Variants in CCDC40 observed in about 807,000 individuals in gnomAD.
CCDC40 encodes the protein coiled-coil domain 40 molecular ruler complex subunit.
In CCDC40, 104 loss-of-function variants were observed where a neutral mutation model predicts 124.5. The ratio of observed to expected loss-of-function variants is 0.84; its 90% CI spans 0.71 to 0.98. The LOEUF is 0.98. Among genes scored for constraint, CCDC40 ranks in the 50% least tolerant of loss-of-function variants. The pLI, the probability that CCDC40 is intolerant of heterozygous loss-of-function variation, is 0.00. For synonymous variants in CCDC40, 580 were observed against 602.9 expected (o/e 0.96, Z 0.56); for missense variants, 1,463 against 1,503.9 (o/e 0.97, Z 0.45).
rs1298181534 is a variant in CCDC40 at position 80,058,109 on chromosome 17, G to A, written c.1160-385G>A. Among the ~76,000 whole-genome samples the A allele has an allele frequency of 6.6e-6, 1 of 152,122 alleles. No homozygotes were observed. Among genetic ancestry groups the A allele is most frequent in the African/African-American group, 2.4e-5 (1 of 41,436 alleles). Reference sequence around the variant, plus strand: ...TGGATGTTCTCGTCTCCTCCCAGGGGACTTAAGACTCCACCTAAGGTTGCC... The same window carrying A: ...TGGATGTTCTCGTCTCCTCCCAGGGAACTTAAGACTCCACCTAAGGTTGCC... On this transcript the variant is annotated intron_variant, in intron 7 of 19. Transcript: ENST00000397545. This position sits in a 1 kb window ranked among gnomAD's most constrained non-coding sequence, Gnocchi z 4.2.
At chr17:80,068,079 G>A in intron 10 of CCDC40, 1 of 759,680 alleles carries the variant, frequency 1.3e-6, no homozygotes, top group East Asian at 1.3e-4. Flanking sequence ...TGTCCCCCAG[G>A]CTGGAGTGCA....
At chr17:80,078,805 A>G (rs180740732) in intron 10 of CCDC40, among the ~76,000 whole-genome samples, 6 of 152,256 alleles carry the variant, frequency 3.9e-5, no homozygotes, top group Admixed American at 1.3e-4. Flanking sequence ...ATTTCTGGGG[A>G]AAAAATGCCT....
chr17:80,086,346 A>C lies in CCDC40; in HGVS notation c.2449+130A>C. 4 of 737,076 alleles carry C rather than the reference A, an allele frequency of 5.4e-6. No homozygotes were observed. The highest frequency in any genetic ancestry group is 9.5e-6 in the Non-Finnish European group (4 of 420,364). 45.7% of individuals were successfully genotyped at this position (737,076 alleles called of 1,614,324 possible). ...ACGCAGCCTTAAAAGCAAATAACAA[A>C]CGCGCATGCTCCCTGTATTTTGTAA... is the stretch of plus-strand genomic sequence containing the variant. On this transcript the variant is annotated intron_variant, in intron 14 of 19. Transcript: ENST00000397545. This position sits in a 1 kb window ranked among gnomAD's most constrained non-coding sequence, Gnocchi z 5.5.
chr17:80,056,898 G>A (rs1255605916), intron 7 of CCDC40, among the ~76,000 whole-genome samples: 3 of 151,344 alleles, frequency 2.0e-5, no homozygotes, highest in Non-Finnish European at 2.9e-5. Context: ...ACAATTACTC[G>A]GGCGTGGTGG....
chr17:80,082,490 C>G (rs2038477075), intron 12 of CCDC40, among the ~76,000 whole-genome samples: 1 of 152,036 alleles, frequency 6.6e-6, no homozygotes, highest in African/African-American at 2.4e-5. Context: ...GACCGCCTCC[C>G]CAACACCCCG....
intron 9 of CCDC40, among the ~76,000 whole-genome samples, chr17:80,063,252 C>T (rs1299313787): frequency 2.0e-5 from 3 of 152,068 alleles, no homozygotes; most frequent in Non-Finnish European, 2.9e-5. Context: ...TTCGCACACA[C>T]ACACAATCAC....
At position 80,099,863 on chromosome 17, in the gene CCDC40, C is replaced by T; in HGVS notation, c.*88C>T. On this transcript the variant is annotated 3_prime_UTR_variant, in exon 20 of 20. Coordinates refer to ENST00000397545, the MANE Select transcript of CCDC40 (RefSeq NM_017950.4). ...GAGGGACTTGGAATCTTTTGTGTTCCTAAAAACCACATGTACCCTCAGAAG... is the reference window on the plus strand; with the variant it reads ...GAGGGACTTGGAATCTTTTGTGTTCTTAAAAACCACATGTACCCTCAGAAG... 2 of 1,456,680 alleles carry T rather than the reference C, an allele frequency of 1.4e-6. No homozygotes were observed. Among genetic ancestry groups the T allele is most frequent in the Non-Finnish European group, 1.9e-6 (2 of 1,060,280 alleles). The allele number at this position is 1,456,680 out of a possible 1,614,324, so 90.2% of individuals were successfully genotyped here.
chr17:80,049,917 A>G lies in CCDC40; in HGVS notation c.867A>G (p.Val289=), dbSNP rs1386295352. The change falls in exon 6 of 20, where the codon GTA becomes GTG. Residue 289 remains valine (V), a synonymous_variant. Transcript: ENST00000397545. ...TTCCATTGTTCTAGCCCCTGATGGT[A>G]AGATTCCAGGCTGCCCTGAAGAACT... ...VVLDPDHPLM[V]RFQAALKNYL... The G allele has an allele frequency of 1.9e-6, 3 of 1,613,982 alleles. No individual in the cohort carries two copies. Among genetic ancestry groups the G allele is most frequent in the Non-Finnish European group, 1.7e-6 (2 of 1,179,926 alleles).
rs1299508184 is a variant in CCDC40, at chr17:80,099,620, T to C, written c.3274T>C (p.Ser1092Pro). 6.2e-7 allele frequency: 1 copy of C among 1,613,604 alleles called. No homozygotes were observed. Among genetic ancestry groups the C allele is most frequent in the African/African-American group, 1.3e-5 (1 of 74,914 alleles). The change falls in exon 20 of 20, where the codon TCC (serine) becomes CCC (proline). Residue 1092 changes from serine to proline, a missense_variant. Coordinates refer to ENST00000397545, the MANE Select transcript of CCDC40 (RefSeq NM_017950.4). ...CGTGTTCCTGTTCCGCTCCAAGCAG[T>C]CCCTAGTGCTGGAGCGCCAGCGCCT... ...RYVFLFRSKQ[S>P]LVLERQRLDK...
At chr17:80,070,528 G>A (rs890389660) in intron 10 of CCDC40, among the ~76,000 whole-genome samples, 9 of 152,212 alleles carry the variant, frequency 5.9e-5, no homozygotes, top group Admixed American at 2.0e-4. Context: ...TTGAGTCCAG[G>A]AATTTGAGGC....
Position 80,050,184 on chromosome 17 carries a change from A to G in CCDC40, c.1060A>G (p.Met354Val), listed in dbSNP as rs767636713. The part of the protein sequence containing the change: ...LLEKSHDRHA[M>V]ASSERRQKEE... ...GGAGAAGAGTCACGACCGCCACGCAATGGCCTCGAGCGAGCGCAGGCAGAA... is the reference window on the plus strand; with the variant it reads ...GGAGAAGAGTCACGACCGCCACGCAGTGGCCTCGAGCGAGCGCAGGCAGAA... The change falls in exon 7 of 20, where the codon ATG (methionine) becomes GTG (valine). Residue 354 changes from methionine to valine, a missense_variant. By Grantham distance (21) the Met-to-Val change is conservative. Transcript: ENST00000397545. 1.2e-6 allele frequency: 2 copies of G among 1,612,962 alleles called. No individual in the cohort carries two copies. The highest frequency in any genetic ancestry group is 1.7e-4 in the Middle Eastern group (1 of 5,728).
In CCDC40 at chr17:80,065,539, T is replaced by C. The variant is rs759586308; in HGVS notation, c.1495T>C (p.Trp499Arg). 2 of 1,612,186 alleles carry C rather than the reference T, an allele frequency of 1.2e-6. No individual in the cohort carries two copies. The change falls in exon 10 of 20, where the codon TGG becomes CGG. Residue 499 changes from tryptophan (W) to arginine (R), a missense_variant. Transcript: ENST00000397545. Reference sequence around the variant, plus strand: ...GGAGAAGAGGCGCATCATGCAGCAATGGGCCAGCAGCCTGGTGGGCATGAA... The same window carrying C: ...GGAGAAGAGGCGCATCATGCAGCAACGGGCCAGCAGCCTGGTGGGCATGAA... ...SVEKRRIMQQ[W>R]ASSLVGMKHR...
chr17:80,082,508 C>A (rs1218626891), intron 12 of CCDC40, among the ~76,000 whole-genome samples: 1 of 152,114 alleles, frequency 6.6e-6, no homozygotes, highest in East Asian at 1.9e-4. Flanking sequence ...CCGCCTCAAG[C>A]AGGCCCCTTT....
intron 1 of CCDC40, among the ~76,000 whole-genome samples, chr17:80,036,988 C>T (rs2037083585): frequency 6.6e-6 from 1 of 152,214 alleles, no homozygotes; most frequent in Admixed American, 6.5e-5. Flanking sequence ...ACCGCTCACT[C>T]TGCAGTCACC....
intron 17 of CCDC40, 62 bp from the exon 18 acceptor site, chr17:80,095,201 A>G: frequency 6.5e-7 from 1 of 1,530,866 alleles, no homozygotes; most frequent in South Asian, 1.1e-5. Context: ...CGCCCCGGCC[A>G]CTCTCTCTGC....
chr17:80,043,579 G>A (rs1049108757), intron 3 of CCDC40, among the ~76,000 whole-genome samples: 6 of 150,810 alleles, frequency 4.0e-5, no homozygotes, highest in African/African-American at 1.5e-4. Flanking sequence ...CCTCCATAAG[G>A]AGTCCCTCCT....
rs191632512 is a variant in CCDC40 at position 80,049,952 on chromosome 17, G to A, written c.902G>A (p.Arg301Gln). Residue 301 changes from arginine (R) to glutamine (Q), a missense_variant, in exon 6 of 20, where the codon CGA becomes CAA. By Grantham distance (43) the Arg-to-Gln change is conservative. Transcript: ENST00000397545. ...FQAALKNYLN[R>Q]QIEKLKLDLQ... ...GCTGCCCTGAAGAACTACCTGAACC[G>A]ACAGATCGAAAAGTTGAAGCTGGAC... 31 of 1,614,102 alleles carry A rather than the reference G, an allele frequency of 1.9e-5. No homozygotes were observed. In the East Asian group the frequency reaches 2.7e-4, roughly 14 times the overall value.
chr17:80,096,855 G>A (rs753990460), intron 18 of CCDC40, among the ~76,000 whole-genome samples: 19 of 152,104 alleles, frequency 1.2e-4, no homozygotes, highest in Admixed American at 6.5e-4. Flanking sequence ...CCCCAGCCTC[G>A]CTCCTCCCTC....
intron 12 of CCDC40, 146 bp from the exon 13 acceptor site, chr17:80,084,597 G>A: frequency 1.1e-6 from 1 of 936,602 alleles, no homozygotes. Flanking sequence ...GGAGACAGTG[G>A]GAAATCCAGC....
Sources: allele counts gnomAD v4.1 joint callset (sites outside exome capture counted in the v4.1 genomes callset), GRCh38; gene constraint gnomAD v4.1.1; non-coding constraint Gnocchi (gnomAD v3.1); transcripts MANE v1.5; gene names NCBI Gene and HGNC (gene_info 2026-07-23, HGNC 2026-07-21).